GSPT1: variants seen among roughly 807,000 people sequenced by gnomAD.
The protein encoded by GSPT1 is G1 to S phase transition 1.
GSPT1 carries 20 observed loss-of-function variants against 72.5 expected under a neutral mutation model. That is an observed-to-expected ratio of 0.28 (90% CI 0.19 to 0.40). The LOEUF (loss-of-function observed/expected upper bound fraction) is 0.40. GSPT1 is among the 10% of genes least tolerant of loss of function. GSPT1 has a pLI of 1.00. For synonymous variants in GSPT1, 334 were observed against 293.5 expected (o/e 1.14, Z -1.41); for missense variants, 580 against 811.9 (o/e 0.71, Z 3.47).
intron 14 of GSPT1, among the ~76,000 whole-genome samples, chr16:11,874,550 T>G (rs1349842353): frequency 6.6e-6 from 1 of 151,502 alleles, no homozygotes; most frequent in Non-Finnish European, 1.5e-5. Flanking sequence ...ATTAATTGCT[T>G]TTCTTCTGTC....
At chr16:11,910,319 T>C (rs2054542430) in intron 1 of GSPT1, among the ~76,000 whole-genome samples, 1 of 152,162 alleles carries the variant, frequency 6.6e-6, no homozygotes, top group African/African-American at 2.4e-5. Flanking sequence ...TTCTCTACAC[T>C]CTCTGCAGGG....
intron 14 of GSPT1, among the ~76,000 whole-genome samples, chr16:11,875,417 T>TA (rs74268781): frequency 0.015 from 2,175 of 146,576 alleles, 20 homozygotes; most frequent in Middle Eastern, 0.053. Context: ...AAATTAGGTG[T>TA]AAAAAAAAAA....
chr16:11,886,385 A>T, intron 9 of GSPT1, 86 bp downstream of exon 9: 1 of 809,600 alleles, frequency 1.2e-6, no homozygotes, highest in Non-Finnish European at 2.0e-6. Context: ...GCATATGTTA[A>T]CATGTTACTC....
intron 1 of GSPT1, among the ~76,000 whole-genome samples, chr16:11,907,593 C>G (rs1453076603): frequency 6.9e-6 from 1 of 145,186 alleles, no homozygotes; most frequent in Non-Finnish European, 1.5e-5. Flanking sequence ...GTAATTAGCT[C>G]CAGGCATGCC....
intron 1 of GSPT1, among the ~76,000 whole-genome samples, chr16:11,909,472 T>C (rs537153475): frequency 3.3e-5 from 5 of 152,206 alleles, no homozygotes; most frequent in African/African-American, 1.2e-4. Context: ...CCGAAGATAT[T>C]TTAAAACCAA....
intron 11 of GSPT1, among the ~76,000 whole-genome samples, chr16:11,878,915 G>T (rs1439461114): frequency 1.3e-5 from 2 of 150,288 alleles, no homozygotes; most frequent in African/African-American, 2.4e-5. Flanking sequence ...AAATACAAAA[G>T]AAAAAAAACA....
intron 1 of GSPT1, among the ~76,000 whole-genome samples, chr16:11,911,509 C>T (rs1162729629): frequency 6.6e-6 from 1 of 151,996 alleles, no homozygotes; most frequent in Non-Finnish European, 1.5e-5. Context: ...CCTCAACCTC[C>T]CAAGTAGCTG....
intron 8 of GSPT1, 81 bp downstream of exon 8, chr16:11,886,695 GA>G: frequency 6.5e-7 from 1 of 1,547,902 alleles, no homozygotes; most frequent in Non-Finnish European, 8.9e-7. Flanking sequence ...TTAAGGTTTA[GA>G]AAAACCCTAG....
Position 11,915,823 on chromosome 16 carries a change from G to T in GSPT1, c.-103C>A, listed in dbSNP as rs1015604077. The stretch of plus-strand genomic sequence containing the variant: ...ACGCTGACTGAGGGAAGGCGGCGGG[G>T]CAGAAGGGCCGGGAGCTAGCGACAA... On this transcript the variant is annotated 5_prime_UTR_variant, in exon 1 of 15. Coordinates refer to ENST00000434724, the MANE Select transcript of GSPT1 (RefSeq NM_002094.4). 2.6e-6 allele frequency: 4 copies of T among 1,536,382 alleles called. No individual in the cohort carries two copies. The African/African-American group carries it at 5.5e-5, about 21-fold the overall frequency.
At chr16:11,896,870 GA>G in intron 3 of GSPT1, 85 bp from the exon 4 acceptor site, 1 of 900,912 alleles carries the variant, frequency 1.1e-6, no homozygotes, top group Non-Finnish European at 1.7e-6. Context: ...ACAACAAATG[GA>G]AGTTTGCATA....
chr16:11,892,761 G>A (rs372224647), intron 5 of GSPT1, among the ~76,000 whole-genome samples: 38 of 133,594 alleles, frequency 2.8e-4, no homozygotes, highest in Admixed American at 4.1e-4. Flanking sequence ...CCCAGGAGGC[G>A]GAGGTTGCAG....
intron 4 of GSPT1, 163 bp from the exon 5 acceptor site, chr16:11,895,150 G>C (rs1025033159): frequency 7.2e-6 from 4 of 555,054 alleles, no homozygotes; most frequent in Admixed American, 5.8e-5. Context: ...GAGCCTCAAG[G>C]CTGGGCTCGG....
In GSPT1 at chr16:11,875,903, T is replaced by C. The variant is rs2054041834; in HGVS notation, c.1719A>G (p.Lys573=). 6.2e-7 allele frequency: 1 copy of C among 1,613,062 alleles called. No individual in the cohort carries two copies. The highest frequency in any genetic ancestry group is 1.3e-5 in the African/African-American group (1 of 74,858). The change falls in exon 14 of 15, where the codon AAA becomes AAG. Residue 573 remains lysine, a synonymous_variant. Coordinates refer to ENST00000434724, the MANE Select transcript of GSPT1 (RefSeq NM_002094.4). ...GTCGGGTCTTACTTTTTTCTCCTGATTTTTTGTCTACCAAGCAGATTAAGG... is the reference window on the plus strand; with the variant it reads ...GTCGGGTCTTACTTTTTTCTCCTGACTTTTTGTCTACCAAGCAGATTAAGG... ...ITALICLVDK[K]SGEKSKTRPR...
intron 11 of GSPT1, among the ~76,000 whole-genome samples, chr16:11,879,064 G>A (rs573184175): frequency 1.4e-4 from 20 of 144,154 alleles, no homozygotes; most frequent in African/African-American, 4.4e-4. Context: ...CAATAAGAGC[G>A]AAACTCCATC....
rs533247223 is a variant in GSPT1, at chr16:11,870,118, CAAAA to C, written c.*2997_*3000del. 6.7e-6 allele frequency: 1 copy of C among 149,392 alleles called. No homozygotes were observed. Among genetic ancestry groups the C allele is most frequent in the African/African-American group, 2.5e-5 (1 of 40,478 alleles). 9.3% of individuals were successfully genotyped at this position (149,392 alleles called of 1,614,324 possible). ...ACATATTTCAAAGATTTTCAACTCACAAAAAAAAAATACATGGGCTTAATTACTC... is the reference window on the plus strand; with the variant it reads ...ACATATTTCAAAGATTTTCAACTCACAAAAAATACATGGGCTTAATTACTC... On this transcript the variant is annotated 3_prime_UTR_variant, in exon 15 of 15. Transcript: ENST00000434724.
intron 7 of GSPT1, 140 bp from the exon 8 acceptor site, chr16:11,887,071 A>G (rs1567440087): frequency 9.8e-6 from 6 of 611,290 alleles, no homozygotes; most frequent in Non-Finnish European, 8.3e-6. Context: ...GTTATGACGT[A>G]CCTGCTTTTG....
chr16:11,890,447 C>T (rs2054244678), intron 6 of GSPT1, among the ~76,000 whole-genome samples: 1 of 152,146 alleles, frequency 6.6e-6, no homozygotes, highest in Non-Finnish European at 1.5e-5. Flanking sequence ...ACCTCATCAT[C>T]TTCACAGCAT....
intron 1 of GSPT1, chr16:11,908,336 G>C (rs2054513096): frequency 6.7e-6 from 1 of 150,280 alleles, no homozygotes; most frequent in South Asian, 2.1e-4. Context: ...AAAAATAACA[G>C]AAACAGCCGG....
intron 14 of GSPT1, among the ~76,000 whole-genome samples, chr16:11,875,094 C>T (rs2054028963): frequency 6.6e-6 from 1 of 151,986 alleles, no homozygotes; most frequent in African/African-American, 2.4e-5. Flanking sequence ...GAGGCTGAGG[C>T]AGGAGAATGG....
Sources: gnomAD v4.1 joint callset for allele counts (sites outside exome capture counted in the v4.1 genomes callset) on GRCh38, gnomAD v4.1.1 for gene constraint, MANE v1.5 for transcripts, NCBI Gene and HGNC (gene_info 2026-07-23, HGNC 2026-07-21) for gene names.